Variants in SMIM7 observed in about 807,000 individuals in gnomAD.
SMIM7 encodes UPF0608 protein C19orf42.
A neutral mutation model predicts 13.3 loss-of-function variants in SMIM7; 12 were observed. That is an observed-to-expected ratio of 0.90 (90% CI 0.58 to 1.46). The LOEUF (loss-of-function observed/expected upper bound fraction) is 1.46. SMIM7 is among the 40% of genes most tolerant of loss of function. The probability of loss-of-function intolerance (pLI) is 0.00; values close to 1 mark genes in which losing one functional copy is unlikely to be tolerated. For missense variants in SMIM7, 114 were observed against 94.8 expected, an observed-to-expected ratio of 1.20 and a Z score of -0.84; for synonymous variants, 36 against 35.8, an observed-to-expected ratio of 1.01 and a Z score of -0.02.
chr19:16,651,179 C>G (rs996475261), intron 4 of SMIM7, among the ~76,000 whole-genome samples: 1 of 152,176 alleles, frequency 6.6e-6, no homozygotes, highest in African/African-American at 2.4e-5. Flanking sequence ...TCACCCATGG[C>G]CCCCAGTGAA....
At chr19:16,654,705 AAAG>A (rs1320306804) in intron 3 of SMIM7, among the ~76,000 whole-genome samples, 2 of 152,078 alleles carry the variant, frequency 1.3e-5, no homozygotes, top group Admixed American at 6.6e-5. Context: ...AAAAAAAAAG[AAAG>A]AAGACTATTT....
Position 16,652,110 on chromosome 19 carries a change from C to T in SMIM7, c.212+1925G>A, listed in dbSNP as rs142375905. Among the ~76,000 whole-genome samples, 13 of 152,284 alleles carry T rather than the reference C, an allele frequency of 8.5e-5. No homozygotes were observed. The East Asian group carries it at 2.5e-3, about 29-fold the overall frequency. On this transcript the variant is annotated intron_variant, in intron 4 of 4. Transcript: ENST00000487416. ...GGGAAGAATGCTGACTTCTTCCCTG[C>T]CCCAGGACCTTTGCACATGCCACTT...
At chr19:16,644,181 C>G (rs938829161), downstream of SMIM7, among the ~76,000 whole-genome samples, 9 of 128,912 alleles carry the variant, frequency 7.0e-5, no homozygotes, top group South Asian at 1.7e-3. Context: ...AGTGCAATGG[C>G]GCGATCTCGG....
rs953947655 is a variant in SMIM7, at chr19:16,647,032, C to T, written c.*214G>A. ...GAAACCCTTTCAGTAGACAGCATTT[C>T]AATTCAGAGACCAAAGTGAAACTAT... is the stretch of plus-strand genomic sequence containing the variant. On this transcript the variant is annotated 3_prime_UTR_variant, in exon 5 of 5. Coordinates refer to ENST00000487416, the MANE Select transcript of SMIM7 (RefSeq NM_024104.4). The T allele has an allele frequency of 1.6e-6, 1 of 630,788 alleles. No homozygotes were observed. The highest frequency in any genetic ancestry group is 2.8e-6 in the Non-Finnish European group (1 of 356,602). The allele number at this position is 630,788 out of a possible 1,614,324, so 39.1% of individuals were successfully genotyped here.
At position 16,659,303 on chromosome 19, in the gene SMIM7, A is replaced by G. The variant is rs778104824; in HGVS notation, c.121+92T>C. 2.6e-4 allele frequency: 277 copies of G among 1,071,078 alleles called. No homozygotes were observed. The East Asian group carries it at 3.5e-3, about 14-fold the overall frequency. The allele number at this position is 1,071,078 out of a possible 1,614,324, so 66.3% of individuals were successfully genotyped here. On this transcript the variant is annotated intron_variant, in intron 3 of 4. Coordinates refer to ENST00000487416, the MANE Select transcript of SMIM7 (RefSeq NM_024104.4). ...GTGTCAAAAAAAAAAAAAAAAAAAA[A>G]AGAGAAAGAAAGAAAACGAAGGTAG...
chr19:16,654,372 A>T (rs889349699), intron 3 of SMIM7, among the ~76,000 whole-genome samples: 2 of 152,118 alleles, frequency 1.3e-5, no homozygotes. Context: ...CATGTGACCC[A>T]AGTCTGTCCA....
At position 16,646,981 on chromosome 19, in the gene SMIM7, T is replaced by C; in HGVS notation, c.*265A>G. On this transcript the variant is annotated 3_prime_UTR_variant, in exon 5 of 5. Coordinates refer to ENST00000487416, the MANE Select transcript of SMIM7 (RefSeq NM_024104.4). The stretch of plus-strand genomic sequence containing the variant: ...TTTATCTATGGGGAATGCAATTTCA[T>C]CACAGCCCCTTACATAAACGCTCCT... 1 of 559,490 alleles carries C rather than the reference T, an allele frequency of 1.8e-6. No individual in the cohort carries two copies. The highest frequency in any genetic ancestry group is 3.2e-6 in the Non-Finnish European group (1 of 313,394). 34.7% of individuals were successfully genotyped at this position (559,490 alleles called of 1,614,324 possible). A position where few individuals can be genotyped will look rare whatever the true frequency, so the allele number is the denominator to read the frequency against.
At position 16,647,023 on chromosome 19, in the gene SMIM7, A is replaced by ACAG; in HGVS notation, c.*220_*222dup. 1 of 615,308 alleles carries ACAG rather than the reference A, an allele frequency of 1.6e-6. No individual in the cohort carries two copies. Among genetic ancestry groups the ACAG allele is most frequent in the Non-Finnish European group, 2.9e-6 (1 of 345,636 alleles). 38.1% of individuals were successfully genotyped at this position (615,308 alleles called of 1,614,324 possible). On this transcript the variant is annotated 3_prime_UTR_variant, in exon 5 of 5. Coordinates refer to ENST00000487416, the MANE Select transcript of SMIM7 (RefSeq NM_024104.4). ...AACGCTCCTGAAACCCTTTCAGTAG[A>ACAG]CAGCATTTCAATTCAGAGACCAAAG... is the stretch of plus-strand genomic sequence containing the variant.
chr19:16,649,227 T>G lies in SMIM7; in HGVS notation c.213-1966A>C, dbSNP rs1053887720. On this transcript the variant is annotated intron_variant, in intron 4 of 4. Transcript: ENST00000487416. ...CTTTAATCTCAGCACTTTGGGAGGT[T>G]GAGGTGGGTGGATCACTTGAGGTCT... 2.0e-5 allele frequency among the ~76,000 whole-genome samples: 3 copies of G among 151,984 alleles called. 1 individual carries two copies. Among genetic ancestry groups the G allele is most frequent in the Non-Finnish European group, 1.5e-5 (1 of 67,986 alleles).
chr19:16,649,954 G>A (rs1290108257), intron 4 of SMIM7, among the ~76,000 whole-genome samples: 1 of 152,152 alleles, frequency 6.6e-6, no homozygotes, highest in Admixed American at 6.6e-5. Flanking sequence ...ACGAGTGGTT[G>A]CCAGGGACTA....
Position 16,659,981 on chromosome 19 carries a change from C to A in SMIM7, c.46G>T (p.Gly16Trp). The stretch of plus-strand genomic sequence containing the variant: ...CACAGCTTAAAGTTCAGCACCGCCC[C>A]GGCATTCATCAGCAACGTCCTGCAG... ...LLFGTLLMNA[G>W]AVLNFKLKKK... is the part of the protein sequence containing the mutation. Residue 16 changes from glycine (G) to tryptophan (W), a missense_variant, in exon 2 of 5, where the codon GGG becomes TGG. Coordinates refer to ENST00000487416, the MANE Select transcript of SMIM7 (RefSeq NM_024104.4). 6.2e-7 allele frequency: 1 copy of A among 1,613,538 alleles called. No individual in the cohort carries two copies. Among genetic ancestry groups the A allele is most frequent in the Non-Finnish European group, 8.5e-7 (1 of 1,179,826 alleles).
Position 16,658,990 on chromosome 19 carries a change from C to T in SMIM7, c.121+405G>A, listed in dbSNP as rs2086632174. Among the ~76,000 whole-genome samples the T allele has an allele frequency of 2.0e-5, 3 of 152,070 alleles. No individual in the cohort carries two copies. In the South Asian group the frequency reaches 6.2e-4, roughly 32 times the overall value. ...TTCTCAGTCATCTCCCACTCACACA[C>T]ACGCTCAATTAAAGAGAAAACTTGT... On this transcript the variant is annotated intron_variant, in intron 3 of 4. Coordinates refer to ENST00000487416, the MANE Select transcript of SMIM7 (RefSeq NM_024104.4).
chr19:16,658,379 T>C (rs1228799483), intron 3 of SMIM7, among the ~76,000 whole-genome samples: 1 of 152,174 alleles, frequency 6.6e-6, no homozygotes, highest in Non-Finnish European at 1.5e-5. Context: ...GATACAATAG[T>C]CATGTACAGA....
intron 3 of SMIM7, among the ~76,000 whole-genome samples, chr19:16,654,984 C>G (rs2086577437): frequency 6.6e-6 from 1 of 152,028 alleles, no homozygotes; most frequent in Non-Finnish European, 1.5e-5. Flanking sequence ...ACAGTAAAAC[C>G]AACATAAAAG....
At chr19:16,653,421 A>G (rs1263164260) in intron 4 of SMIM7, among the ~76,000 whole-genome samples, 1 of 152,070 alleles carries the variant, frequency 6.6e-6, no homozygotes, top group Non-Finnish European at 1.5e-5. Flanking sequence ...TGTCTCTTGT[A>G]AAAATACAAA....
At chr19:16,652,574 G>T (rs1003987968) in intron 4 of SMIM7, 1 of 1,158,984 alleles carries the variant, frequency 8.6e-7, no homozygotes, top group Admixed American at 4.4e-5. Flanking sequence ...TCTCATACAT[G>T]CTCTCAGATC....
intron 4 of SMIM7, among the ~76,000 whole-genome samples, chr19:16,649,653 A>G (rs142195048): frequency 6.6e-6 from 1 of 152,210 alleles, no homozygotes; most frequent in African/African-American, 2.4e-5. Context: ...CTAAAAACAT[A>G]AATCTGTACA....
downstream of SMIM7, among the ~76,000 whole-genome samples, chr19:16,643,038 G>A (rs1273758505): frequency 2.0e-5 from 3 of 151,962 alleles, no homozygotes; most frequent in Admixed American, 1.3e-4. Flanking sequence ...TCCTGACCTC[G>A]TGATCCACCC....
At chr19:16,648,586 A>C (rs2043461807) in intron 4 of SMIM7, among the ~76,000 whole-genome samples, 1 of 152,254 alleles carries the variant, frequency 6.6e-6, no homozygotes, top group South Asian at 2.1e-4. Flanking sequence ...ATGGATCAGC[A>C]ATAACCCAAT....
Sources: gnomAD v4.1 joint callset for allele counts (sites outside exome capture counted in the v4.1 genomes callset) on GRCh38, gnomAD v4.1.1 for gene constraint, MANE v1.5 for transcripts, NCBI Gene and HGNC (gene_info 2026-07-23, HGNC 2026-07-21) for gene names.